Variants in GMPS observed in about 807,000 individuals in gnomAD.
GMPS encodes guanosine monophosphate synthase, also known as GMP synthase [glutamine-hydrolyzing].
GMPS carries 15 observed loss-of-function variants against 77.9 expected under a neutral mutation model. The ratio of observed to expected loss-of-function variants is 0.19; its 90% CI spans 0.13 to 0.30. The LOEUF (loss-of-function observed/expected upper bound fraction) is 0.30. GMPS is among the 10% of genes least tolerant of loss of function. The pLI is 1.00. For missense variants in GMPS, 590 were observed against 838.8 expected (o/e 0.70, Z 3.66); for synonymous variants, 224 against 275.9 (o/e 0.81, Z 1.86).
chr3:155,887,491 G>A (rs1185184495), intron 1 of GMPS, among the ~76,000 whole-genome samples: 1 of 152,130 alleles, frequency 6.6e-6, no homozygotes, highest in African/African-American at 2.4e-5. Flanking sequence ...AAGCTGGTCT[G>A]ATCTTTAAAA....
At chr3:155,924,630 AAG>A (rs1359399687) in intron 11 of GMPS, among the ~76,000 whole-genome samples, 1 of 152,238 alleles carries the variant, frequency 6.6e-6, no homozygotes, top group Non-Finnish European at 1.5e-5. Context: ...AGAAAGGAGT[AAG>A]AGTAAAAAAT....
chr3:155,924,388 G>A (rs1755400187), intron 11 of GMPS, among the ~76,000 whole-genome samples: 1 of 152,350 alleles, frequency 6.6e-6, no homozygotes, highest in South Asian at 2.1e-4. Context: ...TAGAAAATGT[G>A]TAACAATGTT....
chr3:155,901,746 A>C (rs149676268), intron 3 of GMPS, among the ~76,000 whole-genome samples: 2 of 152,070 alleles, frequency 1.3e-5, no homozygotes, highest in Non-Finnish European at 2.9e-5. Flanking sequence ...TGTAAGATTC[A>C]TACGTTTATT....
chr3:155,899,657 T>G (rs1754686202), intron 3 of GMPS, among the ~76,000 whole-genome samples: 1 of 152,222 alleles, frequency 6.6e-6, no homozygotes, highest in African/African-American at 2.4e-5. Context: ...TTCTTGATTT[T>G]TGTACATTCT....
At chr3:155,886,870 C>G (rs748052825) in intron 1 of GMPS, among the ~76,000 whole-genome samples, 10 of 152,052 alleles carry the variant, frequency 6.6e-5, no homozygotes, top group Non-Finnish European at 1.5e-4. Flanking sequence ...TCTTCCTGTT[C>G]TATGAGAAAT....
At chr3:155,934,660 TATATCTTTGCACATTCTGAGATACAGA>T (rs1755715739) in intron 13 of GMPS, among the ~76,000 whole-genome samples, 1 of 152,322 alleles carries the variant, frequency 6.6e-6, no homozygotes, top group African/African-American at 2.4e-5. Flanking sequence ...AATAATCACT[TATATCTTTGCACATTCTGAGATACAGA>T]ATATTCCAGA....
chr3:155,940,114 C>A lies in GMPS; in HGVS notation c.*2422C>A, dbSNP rs1356613690. ...ATTCTGGGCATATCATGACTTTATT[C>A]CCGTTGCTTACCATCTACCTGGGAC... On this transcript the variant is annotated 3_prime_UTR_variant, in exon 16 of 16. Transcript: ENST00000496455. 9.7e-6 allele frequency: 2 copies of A among 206,174 alleles called. No individual in the cohort carries two copies. The highest frequency in any genetic ancestry group is 2.0e-5 in the Non-Finnish European group (2 of 100,888). The allele number at this position is 206,174 out of a possible 1,614,324, so 12.8% of individuals were successfully genotyped here. A position where few individuals can be genotyped will look rare whatever the true frequency, so the allele number is the denominator to read the frequency against.
At chr3:155,934,307 G>A (rs150704200) in intron 13 of GMPS, among the ~76,000 whole-genome samples, 13 of 152,200 alleles carry the variant, frequency 8.5e-5, no homozygotes, top group Non-Finnish European at 1.8e-4. Context: ...TCACAGTTTA[G>A]GAGGCCAGAA....
rs1162458668 is a variant in GMPS at position 155,942,285 on chromosome 3, T to A, written c.*4593T>A. The A allele has an allele frequency of 5.4e-6, 1 of 184,964 alleles. No homozygotes were observed. Among genetic ancestry groups the A allele is most frequent in the Non-Finnish European group, 1.1e-5 (1 of 87,506 alleles). 11.5% of individuals were successfully genotyped at this position (184,964 alleles called of 1,614,324 possible). On this transcript the variant is annotated 3_prime_UTR_variant, in exon 16 of 16. Coordinates refer to ENST00000496455, the MANE Select transcript of GMPS (RefSeq NM_003875.3). ...TGTACTTTTTAGTAGAGACAGGGTT[T>A]CACTGTGTTATACAGGATGGTCTCG...
intron 10 of GMPS, among the ~76,000 whole-genome samples, chr3:155,921,606 G>C (rs1755317748): frequency 6.6e-6 from 1 of 152,150 alleles, no homozygotes; most frequent in African/African-American, 2.4e-5. Flanking sequence ...AGACCAGCCT[G>C]AACAGCATAG....
Position 155,888,316 on chromosome 3 carries a change from AT to A in GMPS, c.28-5198del, listed in dbSNP as rs369831182. Among the ~76,000 whole-genome samples the A allele has an allele frequency of 2.3e-4, 35 of 150,856 alleles. No individual in the cohort carries two copies. The East Asian group carries it at 6.2e-3, about 27-fold the overall frequency. On this transcript the variant is annotated intron_variant, in intron 1 of 15. Coordinates refer to ENST00000496455, the MANE Select transcript of GMPS (RefSeq NM_003875.3). ...TTCATGTTCTCTCTTGCCTTGTGTA[AT>A]TTTAAAAGTATCTTTTAGCTACTAT...
chr3:155,919,408 C>A, intron 10 of GMPS, 70 bp downstream of exon 10: 1 of 720,602 alleles, frequency 1.4e-6, no homozygotes, highest in South Asian at 1.7e-5. Flanking sequence ...TCAATTCAGA[C>A]AATTCTGAAA....
intron 11 of GMPS, among the ~76,000 whole-genome samples, chr3:155,924,456 T>C (rs921056666): frequency 6.6e-6 from 1 of 152,234 alleles, no homozygotes; most frequent in Non-Finnish European, 1.5e-5. Context: ...AATTCAAAGA[T>C]GTCTGTGTTA....
chr3:155,898,118 C>G lies in GMPS; in HGVS notation c.324+77C>G, dbSNP rs1289620195. On this transcript the variant is annotated intron_variant, in intron 3 of 15. Coordinates refer to ENST00000496455, the MANE Select transcript of GMPS (RefSeq NM_003875.3). The stretch of plus-strand genomic sequence containing the variant: ...GAGTCATACTGTATTAGTATTTTCT[C>G]TCTTTAGGATATTTAGGATACTTAG... 8.8e-6 allele frequency: 7 copies of G among 797,052 alleles called. No individual in the cohort carries two copies. In the Admixed American group the frequency reaches 1.0e-4, roughly 12 times the overall value. The allele number at this position is 797,052 out of a possible 1,614,324, so 49.4% of individuals were successfully genotyped here.
intron 14 of GMPS, among the ~76,000 whole-genome samples, chr3:155,935,991 AC>A (rs1189285530): frequency 1.3e-5 from 2 of 152,208 alleles, no homozygotes; most frequent in Non-Finnish European, 2.9e-5. Flanking sequence ...CAGGAACCTA[AC>A]CCTCCATTTC....
At chr3:155,899,906 G>A (rs1265337405) in intron 3 of GMPS, among the ~76,000 whole-genome samples, 1 of 152,084 alleles carries the variant, frequency 6.6e-6, no homozygotes, top group East Asian at 1.9e-4. Flanking sequence ...GTTCTTCCAT[G>A]TCTTTTCAGT....
rs1326874777 is a variant in GMPS, at chr3:155,939,731, A to G, written c.*2039A>G. Reference sequence around the variant, plus strand: ...ACTCCAAAGCACATCTTGACATGACATAGTTTCTTAAAAATCCAAATTTTC... The same window carrying G: ...ACTCCAAAGCACATCTTGACATGACGTAGTTTCTTAAAAATCCAAATTTTC... On this transcript the variant is annotated 3_prime_UTR_variant, in exon 16 of 16. Transcript: ENST00000496455. 5.1e-6 allele frequency: 1 copy of G among 194,544 alleles called. No individual in the cohort carries two copies. Among genetic ancestry groups the G allele is most frequent in the Non-Finnish European group, 1.1e-5 (1 of 93,422 alleles). 12.1% of individuals were successfully genotyped at this position (194,544 alleles called of 1,614,324 possible).
intron 7 of GMPS, among the ~76,000 whole-genome samples, chr3:155,913,027 T>C (rs1415895777): frequency 2.0e-5 from 3 of 152,228 alleles, no homozygotes; most frequent in Non-Finnish European, 4.4e-5. Context: ...TTGAGCCTAC[T>C]AATACCAGGC....
rs1755173649 is a variant in GMPS, at chr3:155,916,141, C to A, written c.1161C>A (p.Leu387=). 6.2e-7 allele frequency: 1 copy of A among 1,613,330 alleles called. No homozygotes were observed. The highest frequency in any genetic ancestry group is 1.7e-5 in the Admixed American group (1 of 59,968). Residue 387 remains leucine, a synonymous_variant, in exon 9 of 16, where the codon CTC becomes CTA. Transcript: ENST00000496455. ...ASLVASGKAE[L]IKTHHNDTEL... ...TTGTTGCAAGTGGCAAAGCTGAACT[C>A]ATCAAAACCCATCACAATGACACAG...
Sources: allele counts gnomAD v4.1 joint callset (sites outside exome capture counted in the v4.1 genomes callset), GRCh38; gene constraint gnomAD v4.1.1; transcripts MANE v1.5; gene names NCBI Gene and HGNC (gene_info 2026-07-23, HGNC 2026-07-21).